EPHB1: variants seen among roughly 807,000 people sequenced by gnomAD.
EPHB1 encodes EPH receptor B1.
In EPHB1, 30 loss-of-function variants were observed where a neutral mutation model predicts 94.4. The ratio of observed to expected loss-of-function variants is 0.32; its 90% CI spans 0.24 to 0.43. The LOEUF is 0.43. Among genes scored for constraint, EPHB1 ranks in the 20% least tolerant of loss-of-function variants. The pLI, the probability that EPHB1 is intolerant of heterozygous loss-of-function variation, is 1.00. For missense variants in EPHB1, 1,055 were observed against 1,308.3 expected, an observed-to-expected ratio of 0.81 and a Z score of 2.99; for synonymous variants, 522 against 489.1, an observed-to-expected ratio of 1.07 and a Z score of -0.89.
chr3:135,203,053 T>C (rs1942799204), intron 12 of EPHB1, among the ~76,000 whole-genome samples: 1 of 152,008 alleles, frequency 6.6e-6, no homozygotes, highest in South Asian at 2.1e-4. Flanking sequence ...AAAGAATGAG[T>C]TCGTGTCCTT....
intron 3 of EPHB1, among the ~76,000 whole-genome samples, chr3:134,961,642 C>T (rs1301643937): frequency 6.6e-6 from 1 of 152,212 alleles, no homozygotes; most frequent in African/African-American, 2.4e-5. Flanking sequence ...CATAGGGGCA[C>T]ACTACAGAGG....
chr3:135,163,011 A>G (rs1941553203), intron 7 of EPHB1, among the ~76,000 whole-genome samples: 1 of 152,192 alleles, frequency 6.6e-6, no homozygotes, highest in African/African-American at 2.4e-5. Context: ...ATAGTTTTCC[A>G]AATGTCAGTC....
At chr3:134,969,195 T>A (rs979200227) in intron 3 of EPHB1, among the ~76,000 whole-genome samples, 2 of 152,254 alleles carry the variant, frequency 1.3e-5, no homozygotes, top group African/African-American at 4.8e-5. Context: ...TTTTTTATCT[T>A]AGCCATTCTA....
chr3:134,844,185 T>G (rs1196072099), intron 1 of EPHB1, among the ~76,000 whole-genome samples: 1 of 152,244 alleles, frequency 6.6e-6, no homozygotes, highest in Non-Finnish European at 1.5e-5. Flanking sequence ...TATGTCTTGC[T>G]TCTTAGAGGT....
At chr3:135,010,822 A>G (rs1162615125) in intron 3 of EPHB1, among the ~76,000 whole-genome samples, 1 of 152,002 alleles carries the variant, frequency 6.6e-6, no homozygotes, top group Non-Finnish European at 1.5e-5. Flanking sequence ...TCGGCCTCCA[A>G]AAGTGCTGGG....
chr3:134,904,167 G>T (rs2038265023), intron 1 of EPHB1, among the ~76,000 whole-genome samples: 1 of 152,222 alleles, frequency 6.6e-6, no homozygotes, highest in African/African-American at 2.4e-5. Flanking sequence ...CCAATTAGGA[G>T]CCTGTAGCTC....
intron 3 of EPHB1, among the ~76,000 whole-genome samples, chr3:134,954,834 T>C (rs541464498): frequency 1.4e-4 from 21 of 152,310 alleles, no homozygotes; most frequent in Non-Finnish European, 2.9e-4. Context: ...AAAGTCGTGG[T>C]GACCAGTCGC....
At chr3:134,796,987 T>C (rs1375089000) in intron 1 of EPHB1, among the ~76,000 whole-genome samples, 7 of 152,204 alleles carry the variant, frequency 4.6e-5, no homozygotes, top group Non-Finnish European at 1.0e-4. Flanking sequence ...GCTCTGCCCT[T>C]CTGGAAGTGA....
intron 3 of EPHB1, among the ~76,000 whole-genome samples, chr3:135,013,819 C>T (rs1935700882): frequency 1.3e-5 from 2 of 152,210 alleles, no homozygotes; most frequent in Admixed American, 1.3e-4. Context: ...ATATGACTAA[C>T]TCAATTACAC....
intron 3 of EPHB1, among the ~76,000 whole-genome samples, chr3:135,102,330 A>G (rs886487635): frequency 6.6e-6 from 1 of 152,194 alleles, no homozygotes; most frequent in South Asian, 2.1e-4. Context: ...TCCAAAGGCC[A>G]TTTGCTTTTG....
At chr3:135,030,921 C>G (rs527644042) in intron 3 of EPHB1, among the ~76,000 whole-genome samples, 5 of 152,212 alleles carry the variant, frequency 3.3e-5, no homozygotes, top group Admixed American at 2.6e-4. Flanking sequence ...CATGTAATCT[C>G]GTGGTGCGCC....
At chr3:134,913,407 G>A (rs551995395) in intron 1 of EPHB1, among the ~76,000 whole-genome samples, 4 of 152,318 alleles carry the variant, frequency 2.6e-5, no homozygotes, top group Admixed American at 1.3e-4. Flanking sequence ...AAACCTGCCA[G>A]GTCCGACACA....
At chr3:134,937,520 C>T (rs150187267) in intron 2 of EPHB1, among the ~76,000 whole-genome samples, 51 of 152,364 alleles carry the variant, frequency 3.3e-4, no homozygotes, top group African/African-American at 1.0e-3. Flanking sequence ...GCATGGCTTA[C>T]GCTCAGTCAA....
intron 1 of EPHB1, among the ~76,000 whole-genome samples, chr3:134,824,455 G>A (rs904386945): frequency 3.9e-5 from 6 of 152,104 alleles, no homozygotes; most frequent in African/African-American, 1.4e-4. Flanking sequence ...TTTGCTAATT[G>A]GAATCCTTCT....
At position 134,908,925 on chromosome 3, in the gene EPHB1, A is replaced by G. The variant is rs559291241; in HGVS notation, c.59-16891A>G. The stretch of plus-strand genomic sequence containing the variant: ...CATAAGGGAACAGATAGAGAGATGA[A>G]GTGAGCCTGATGGTGCCATGGGGCT... On this transcript the variant is annotated intron_variant, in intron 1 of 15. Transcript: ENST00000398015. 3.3e-5 allele frequency among the ~76,000 whole-genome samples: 5 copies of G among 151,898 alleles called. No homozygotes were observed. In the East Asian group the frequency reaches 9.7e-4, roughly 30 times the overall value.
At chr3:134,831,335 C>T (rs1217239955) in intron 1 of EPHB1, among the ~76,000 whole-genome samples, 1 of 152,182 alleles carries the variant, frequency 6.6e-6, no homozygotes, top group Non-Finnish European at 1.5e-5. Context: ...GACTCTGATC[C>T]CACGATTCTA....
At chr3:134,849,349 G>A (rs13091440) in intron 1 of EPHB1, among the ~76,000 whole-genome samples, 23,412 of 152,134 alleles carry the variant, frequency 0.15, 2,314 homozygotes, top group African/African-American at 0.29. Context: ...TTTAGAGTGA[G>A]GAGAGACTGC....
intron 3 of EPHB1, among the ~76,000 whole-genome samples, chr3:134,969,149 G>T (rs1008819869): frequency 6.6e-6 from 1 of 152,138 alleles, no homozygotes. Context: ...AGTTTCAGTT[G>T]TTCTGCCTTT....
At chr3:135,204,958 C>G (rs1942862908) in intron 12 of EPHB1, among the ~76,000 whole-genome samples, 1 of 121,966 alleles carries the variant, frequency 8.2e-6, no homozygotes, top group South Asian at 3.0e-4. Flanking sequence ...CCCTTCCCAA[C>G]CTCTGGTAAC....
Sources: gnomAD v4.1 joint callset for allele counts (sites outside exome capture counted in the v4.1 genomes callset) on GRCh38, gnomAD v4.1.1 for gene constraint, MANE v1.5 for transcripts, NCBI Gene and HGNC (gene_info 2026-07-23, HGNC 2026-07-21) for gene names.